The following ZNF185 variants were observed in gnomAD, a reference collection of about 807,000 sequenced individuals.
ZNF185 encodes the protein zinc finger protein 185.
ZNF185 carries 56 observed loss-of-function variants against 58.6 expected under a neutral mutation model. The observed-to-expected ratio is 0.95, with a 90% CI of 0.77 to 1.19. The LOEUF is 1.19. ZNF185 is among the 50% of genes most tolerant of loss of function. The probability of loss-of-function intolerance (pLI) is 0.00; values close to 1 mark genes in which losing one functional copy is unlikely to be tolerated. For synonymous variants in ZNF185, 230 were observed against 215.9 expected, an observed-to-expected ratio of 1.07 and a Z score of -0.57; for missense variants, 627 against 573.5, an observed-to-expected ratio of 1.09 and a Z score of -0.95.
In ZNF185 at chrX:152,915,247, C is replaced by T. The variant is rs1444669993; in HGVS notation, c.224+44C>T. 1.3e-5 allele frequency: 15 copies of T among 1,176,064 alleles called. No homozygotes were observed. The Admixed American group carries it at 1.8e-4, about 14-fold the overall frequency. ...GTGGCTGGTGGGTCAGCCCCAGGGA[C>T]TCTCCTGCAGCTTGGGGCCAGCCCT... On this transcript the variant is annotated intron_variant, in intron 3 of 22. Transcript: ENST00000449285.
At chrX:152,953,993 G>A (rs782599914) in intron 16 of ZNF185, among the ~76,000 whole-genome samples, 1 of 111,643 alleles carries the variant, frequency 9.0e-6, no homozygotes, top group Admixed American at 9.5e-5. Flanking sequence ...CACCCGCCTT[G>A]GCCTCTCAAA....
At chrX:152,954,906 C>A (rs2048667398) in intron 16 of ZNF185, among the ~76,000 whole-genome samples, 1 of 110,804 alleles carries the variant, frequency 9.0e-6, no homozygotes, top group African/African-American at 3.3e-5. Flanking sequence ...AGAATCACAG[C>A]AGATTCACAG....
chrX:152,923,012 C>T (rs1428026585), intron 11 of ZNF185, among the ~76,000 whole-genome samples: 3 of 112,484 alleles, frequency 2.7e-5, no homozygotes, highest in Non-Finnish European at 5.6e-5. Context: ...TAATGGTGCT[C>T]TCTTGTCTGT....
At chrX:152,936,295 C>A in intron 14 of ZNF185, 123 bp from the exon 16 acceptor site, 1 of 530,129 alleles carries the variant, frequency 1.9e-6, no homozygotes, top group Non-Finnish European at 3.1e-6. Flanking sequence ...GTTCCTCAAG[C>A]ATCCATTTGA....
At chrX:152,944,350 T>C (rs2047559731) in intron 15 of ZNF185, among the ~76,000 whole-genome samples, 1 of 112,375 alleles carries the variant, frequency 8.9e-6, no homozygotes, top group Non-Finnish European at 1.9e-5. Flanking sequence ...CCACCAGCTA[T>C]TGAAGGTAGG....
rs143973153 is a variant in ZNF185 at position 152,942,345 on chromosome X, C to T, written c.1212-2922C>T. 1.0e-3 allele frequency among the ~76,000 whole-genome samples: 112 copies of T among 111,809 alleles called. 1 individual carries two copies. The highest frequency in any genetic ancestry group is 7.9e-3 in the Admixed American group (84 of 10,602). ...CTGGTGCTTTGGGTTCCAGTCCAAGCTCTGTCACTTACAAGCACCGTGACC... is the reference window on the plus strand; with the variant it reads ...CTGGTGCTTTGGGTTCCAGTCCAAGTTCTGTCACTTACAAGCACCGTGACC... On this transcript the variant is annotated intron_variant, in intron 15 of 22. Coordinates refer to ENST00000449285, the Ensembl canonical transcript of ZNF185.
At chrX:152,964,067 C>T (rs2049850722) in intron 18 of ZNF185, 118 bp downstream of exon 20, 2 of 677,123 alleles carry the variant, frequency 3.0e-6, no homozygotes, top group Non-Finnish European at 4.6e-6. Context: ...CAGTTTCTAG[C>T]AGGCCATTAG....
At chrX:152,925,329 A>T (rs1183894896) in intron 11 of ZNF185, among the ~76,000 whole-genome samples, 1 of 110,616 alleles carries the variant, frequency 9.0e-6, no homozygotes, top group Admixed American at 9.6e-5. Context: ...AAAAGAGAGA[A>T]AGAATGGAGG....
At chrX:152,952,223 A>G in intron 16 of ZNF185, among the ~76,000 whole-genome samples, 1 of 112,354 alleles carries the variant, frequency 8.9e-6, no homozygotes, top group African/African-American at 3.2e-5. Context: ...TAAACTAACA[A>G]TATTAAACTA....
intron 11 of ZNF185, among the ~76,000 whole-genome samples, chrX:152,926,721 G>A (rs115647098): frequency 0.016 from 1,761 of 112,031 alleles, 38 homozygotes; most frequent in African/African-American, 0.055. Context: ...GTGGGGTAGC[G>A]GGTTGTGGGG....
chrX:152,965,472 T>C (rs781953510), exon 19 of ZNF185: 17 of 1,186,515 alleles, frequency 1.4e-5, no homozygotes, highest in Non-Finnish European at 6.8e-6. Flanking sequence ...CGTGAAGGAG[T>C]ACGTGAATGC....
chrX:152,965,588 TC>T (rs782624832), intron 19 of ZNF185, 61 bp downstream of exon 21: 80 of 970,355 alleles, frequency 8.2e-5, no homozygotes, highest in Non-Finnish European at 1.1e-4. Context: ...CATATTCTCA[TC>T]CCTGCATTTC....
chrX:152,932,141 G>T (rs1942099637), intron 13 of ZNF185, among the ~76,000 whole-genome samples: 1 of 112,345 alleles, frequency 8.9e-6, no homozygotes, highest in Admixed American at 9.4e-5. Flanking sequence ...GCAGGACAAA[G>T]CAGCCCTGCC....
upstream of ZNF185, among the ~76,000 whole-genome samples, chrX:152,911,316 T>C (rs1215700241): frequency 1.8e-5 from 2 of 111,846 alleles, no homozygotes; most frequent in African/African-American, 3.3e-5. Context: ...CATGGTCTGC[T>C]TGGAGCACAG....
At chrX:152,969,553 T>G in intron 21 of ZNF185, 69 bp downstream of exon 23, 2 of 869,113 alleles carry the variant, frequency 2.3e-6, no homozygotes, top group South Asian at 2.2e-5. Context: ...AAGAACGTTT[T>G]GTAGAGTGCG....
chrX:152,898,555 T>C, the ZNF185 span, among the ~76,000 whole-genome samples: 1 of 112,424 alleles, frequency 8.9e-6, no homozygotes, highest in Non-Finnish European at 1.9e-5. Context: ...GCCAGGATGC[T>C]CTGAGAGTTG....
At chrX:152,911,564 C>T (rs1937191905), upstream of ZNF185, among the ~76,000 whole-genome samples, 1 of 107,644 alleles carries the variant, frequency 9.3e-6, no homozygotes, top group African/African-American at 3.4e-5. Context: ...AGGGAGAAGT[C>T]AGCTCTGTAG....
At chrX:152,931,511 G>T (rs1282458630) in intron 12 of ZNF185, among the ~76,000 whole-genome samples, 161 bp from the exon 14 acceptor site, 1 of 112,399 alleles carries the variant, frequency 8.9e-6, no homozygotes, top group East Asian at 2.8e-4. Flanking sequence ...CTCTTGCCTC[G>T]GCCTCTCAAA....
chrX:152,932,755 G>A, intron 13 of ZNF185, 118 bp from the exon 15 acceptor site: 1 of 525,552 alleles, frequency 1.9e-6, no homozygotes, highest in South Asian at 2.8e-5. Context: ...GGTCAGAGCA[G>A]CACAGAGTAG....
Sources: allele counts gnomAD v4.1 joint callset (sites outside exome capture counted in the v4.1 genomes callset), GRCh38; gene constraint gnomAD v4.1.1; transcripts MANE v1.5; gene names NCBI Gene and HGNC (gene_info 2026-07-23, HGNC 2026-07-21).